Variants in TMEM209 observed in about 807,000 individuals in gnomAD.
TMEM209 encodes transmembrane protein 209.
Under a neutral mutation model 76.2 loss-of-function variants are expected in TMEM209, and 65 were observed. The observed-to-expected ratio is 0.85, with a 90% CI of 0.70 to 1.05. The LOEUF is 1.05. TMEM209 is among the 50% of genes least tolerant of loss of function. TMEM209 has a pLI of 0.00. For missense variants in TMEM209, 623 were observed against 685.5 expected (o/e 0.91, Z 1.02); for synonymous variants, 239 against 237.6 (o/e 1.01, Z -0.06).
intron 2 of TMEM209, 38 bp from the exon 3 acceptor site, chr7:130,203,884 A>C (rs941163141): frequency 6.3e-7 from 1 of 1,590,504 alleles, no homozygotes; most frequent in East Asian, 2.2e-5. Flanking sequence ...GTGAACCTAA[A>C]AACACCAAAA....
intron 5 of TMEM209, among the ~76,000 whole-genome samples, chr7:130,195,014 C>T (rs991805381): frequency 2.6e-5 from 4 of 151,988 alleles, no homozygotes; most frequent in Non-Finnish European, 5.9e-5. Context: ...GCTATTATTG[C>T]ATTAATTGGC....
intron 3 of TMEM209, among the ~76,000 whole-genome samples, chr7:130,203,088 CAAA>C (rs879520267): frequency 7.7e-6 from 1 of 129,444 alleles, no homozygotes; most frequent in African/African-American, 2.8e-5. Context: ...GACTCCTTCT[CAAA>C]AAAAAAAAAA....
intron 14 of TMEM209, among the ~76,000 whole-genome samples, chr7:130,169,687 C>A (rs1372569964): frequency 1.3e-5 from 2 of 151,952 alleles, no homozygotes; most frequent in Non-Finnish European, 2.9e-5. Context: ...AAGACGCATG[C>A]ATATCGGAAG....
intron 11 of TMEM209, among the ~76,000 whole-genome samples, chr7:130,174,372 C>T (rs1307837118): frequency 6.6e-6 from 1 of 152,126 alleles, no homozygotes; most frequent in African/African-American, 2.4e-5. Flanking sequence ...CTCCAGCCTA[C>T]GAAGTTACCA....
At chr7:130,184,585 C>T (rs570534334) in intron 7 of TMEM209, among the ~76,000 whole-genome samples, 1 of 151,386 alleles carries the variant, frequency 6.6e-6, no homozygotes, top group South Asian at 2.1e-4. Context: ...CTCTGCCTCC[C>T]AGGTTCAAGC....
chr7:130,177,460 G>A (rs1797275961), intron 10 of TMEM209, among the ~76,000 whole-genome samples: 1 of 152,170 alleles, frequency 6.6e-6, no homozygotes, highest in African/African-American at 2.4e-5. Flanking sequence ...GGCACTTGGG[G>A]AGGCTGAGGT....
rs1046510815 is a variant in TMEM209, at chr7:130,174,607, G to A, written c.1345-668C>T. On this transcript the variant is annotated intron_variant, in intron 11 of 14. Coordinates refer to ENST00000397622, the MANE Select transcript of TMEM209 (RefSeq NM_032842.4). ...TCAACATAAAACTTAATTTTCACCC[G>A]TAACAGTCACTATAAAAAAAAAGCG... Among the ~76,000 whole-genome samples the A allele has an allele frequency of 5.9e-5, 9 of 151,974 alleles. No homozygotes were observed. The East Asian group carries it at 1.4e-3, about 23-fold the overall frequency.
At chr7:130,200,612 T>C (rs1451385039) in intron 5 of TMEM209, among the ~76,000 whole-genome samples, 1 of 152,138 alleles carries the variant, frequency 6.6e-6, no homozygotes, top group African/African-American at 2.4e-5. Flanking sequence ...CTATAATAAT[T>C]TTCCTTCTGT....
In TMEM209 at chr7:130,192,635, AT is replaced by A; in HGVS notation, c.761del (p.His254LeufsTer33). 6.2e-7 allele frequency: 1 copy of A among 1,613,646 alleles called. No homozygotes were observed. The highest frequency in any genetic ancestry group is 8.5e-7 in the Non-Finnish European group (1 of 1,179,696). ...ATATATATGTACCCAGCTTAACCCT[AT>A]GCTGTTTCTCCTCTTCACTTCTGAG... ...TFLRSEEEKQ[H>X]RVKLGSPDST... On this transcript the variant is annotated frameshift_variant, in exon 6 of 15. Transcript: ENST00000397622. LOFTEE classifies it high-confidence loss of function.
At chr7:130,170,585 T>G (rs576272445) in intron 13 of TMEM209, 112 bp from the exon 14 acceptor site, 1 of 814,934 alleles carries the variant, frequency 1.2e-6, no homozygotes, top group Non-Finnish European at 1.9e-6. Flanking sequence ...TTCCATATAA[T>G]TCAGACTTTC....
In TMEM209 at chr7:130,166,489, G is replaced by A. The variant is rs1281081626; in HGVS notation, c.1648C>T (p.Leu550=). The A allele has an allele frequency of 3.2e-6, 5 of 1,540,326 alleles. No individual in the cohort carries two copies. The African/African-American group carries it at 5.5e-5, about 17-fold the overall frequency. Residue 550 remains leucine, a synonymous_variant, in exon 15 of 15, where the codon CTA becomes TTA. Coordinates refer to ENST00000397622, the MANE Select transcript of TMEM209 (RefSeq NM_032842.4). ...SGMLGRVNLG[L]SGVNILWIFG... is the part of the protein sequence containing the mutation. ...ATCCACAATATATTCACACCAGATAGACCAAGATTAACTCTCCTATAAAGA... is the reference window on the plus strand; with the variant it reads ...ATCCACAATATATTCACACCAGATAAACCAAGATTAACTCTCCTATAAAGA...
chr7:130,205,288 C>T, intron 1 of TMEM209, 85 bp downstream of exon 1: 2 of 1,613,080 alleles, frequency 1.2e-6, no homozygotes, highest in Non-Finnish European at 1.7e-6. Context: ...CTTGGCTGAA[C>T]CCAGGACAGA....
chr7:130,183,541 G>A lies in TMEM209; in HGVS notation c.1023+643C>T, dbSNP rs535148282. Among the ~76,000 whole-genome samples, 7 of 152,334 alleles carry A rather than the reference G, an allele frequency of 4.6e-5. No homozygotes were observed. In the South Asian group the frequency reaches 1.2e-3, roughly 27 times the overall value. The stretch of plus-strand genomic sequence containing the variant: ...TCTAGAAGATGCAGAGTGGATGGAT[G>A]AATGTTGAAGGATGAAACAACAGAA... On this transcript the variant is annotated intron_variant, in intron 8 of 14. Transcript: ENST00000397622.
chr7:130,169,546 G>A (rs1442050535), intron 14 of TMEM209, among the ~76,000 whole-genome samples: 4 of 152,114 alleles, frequency 2.6e-5, no homozygotes, highest in Admixed American at 6.6e-5. Context: ...ACACTTTAGC[G>A]CACCTCAATT....
At chr7:130,200,184 C>G (rs1170830870) in intron 5 of TMEM209, among the ~76,000 whole-genome samples, 2 of 151,774 alleles carry the variant, frequency 1.3e-5, no homozygotes, top group African/African-American at 4.8e-5. Flanking sequence ...TATAATTAAA[C>G]AGCAACCCAA....
Position 130,173,939 on chromosome 7 carries a change from T to A in TMEM209, c.1345A>T (p.Ile449Phe). ...TAGGTGCAAAATACATGCATGATGA[T>A]CTGAGGATGAAGAAATAATTTTTTT... ...WDTDLPTDSA[I>F]IMHVFCTYLD... Residue 449 changes from isoleucine (I) to phenylalanine (F), a missense_variant and splice_region_variant, in exon 12 of 15, where the codon ATC becomes TTC. Transcript: ENST00000397622. The A allele has an allele frequency of 6.3e-7, 1 of 1,594,284 alleles. No homozygotes were observed. Among genetic ancestry groups the A allele is most frequent in the South Asian group, 1.1e-5 (1 of 90,478 alleles).
At chr7:130,186,342 T>C (rs1797598205) in intron 6 of TMEM209, among the ~76,000 whole-genome samples, 1 of 152,208 alleles carries the variant, frequency 6.6e-6, no homozygotes, top group Non-Finnish European at 1.5e-5. Flanking sequence ...ATATAATTCA[T>C]CAAAATTTTG....
At chr7:130,202,231 T>C (rs1381630773) in intron 4 of TMEM209, 140 bp from the exon 5 acceptor site, 24 of 1,216,946 alleles carry the variant, frequency 2.0e-5, no homozygotes, top group African/African-American at 6.1e-5. Context: ...GAATGTATTA[T>C]TACCAAAGGA....
chr7:130,192,575 T>C (rs752828776), intron 6 of TMEM209, 47 bp downstream of exon 6: 5 of 1,524,900 alleles, frequency 3.3e-6, no homozygotes, highest in African/African-American at 2.7e-5. Flanking sequence ...AGGTTAAGGA[T>C]TGACACCAAA....
Sources: allele counts gnomAD v4.1 joint callset (sites outside exome capture counted in the v4.1 genomes callset), GRCh38; gene constraint gnomAD v4.1.1; transcripts MANE v1.5; gene names NCBI Gene and HGNC (gene_info 2026-07-23, HGNC 2026-07-21).